The following GPR158 variants were observed in gnomAD, a reference collection of about 807,000 sequenced individuals.
GPR158 encodes the protein metabotropic glycine receptor.
Under a neutral mutation model 78.2 loss-of-function variants are expected in GPR158, and 30 were observed. The observed-to-expected ratio is 0.38, with a 90% confidence interval of 0.29 to 0.52. The LOEUF is 0.52. Among genes scored for constraint, GPR158 ranks in the 20% least tolerant of loss-of-function variants. GPR158 has a pLI of 0.83. For synonymous variants in GPR158, 581 were observed against 591.1 expected, an observed-to-expected ratio of 0.98 and a Z score of 0.25; for missense variants, 1,463 against 1,523.5, an observed-to-expected ratio of 0.96 and a Z score of 0.66.
At chr10:25,334,799 A>T (rs1855174750) in intron 2 of GPR158, among the ~76,000 whole-genome samples, 1 of 144,022 alleles carries the variant, frequency 6.9e-6, no homozygotes, top group Admixed American at 6.7e-5. Context: ...TACAAGACAA[A>T]TATGAAATGA....
rs1834357977 is a variant in GPR158 at position 25,395,941 on chromosome 10, C to T, written c.1039C>T (p.Leu347Phe). The T allele has an allele frequency of 6.2e-7, 1 of 1,605,524 alleles. No homozygotes were observed. The highest frequency in any genetic ancestry group is 1.3e-5 in the African/African-American group (1 of 74,862). Residue 347 changes from leucine to phenylalanine, a missense_variant, in exon 3 of 11, where the codon CTT (leucine) becomes TTT (phenylalanine). Physicochemically the swap from Leu to Phe is conservative, Grantham distance 22. Transcript: ENST00000376351. The part of the protein sequence containing the change: ...CMPIKGLGFV[L>F]GAYECICKAG... ...GCCAATTAAAGGCCTAGGATTCGTT[C>T]TTGGAGCCTATGAGTGCATTTGCAA...
intron 7 of GPR158, among the ~76,000 whole-genome samples, chr10:25,574,402 A>G (rs1179876468): frequency 6.6e-6 from 1 of 152,194 alleles, no homozygotes; most frequent in Non-Finnish European, 1.5e-5. Flanking sequence ...TGATTCACAT[A>G]GATGCATGAG....
At chr10:25,300,686 T>C (rs1387860312) in intron 2 of GPR158, among the ~76,000 whole-genome samples, 1 of 152,190 alleles carries the variant, frequency 6.6e-6, no homozygotes, top group African/African-American at 2.4e-5. Flanking sequence ...TAATTTTAAG[T>C]ATTCCATTAA....
In GPR158 at chr10:25,495,295, C is replaced by CTT. The variant is rs71399976; in HGVS notation, c.1404+28595_1404+28596dup. Among the ~76,000 whole-genome samples the CTT allele has an allele frequency of 3.4e-3, 314 of 91,078 alleles. 23 individuals are homozygous for CTT. Among genetic ancestry groups the CTT allele is most frequent in the South Asian group, 0.017 (40 of 2,292 alleles). 59.8% of individuals were successfully genotyped at this position (91,078 alleles called of 152,430 possible). On this transcript the variant is annotated intron_variant, in intron 5 of 10. Coordinates refer to ENST00000376351, the MANE Select transcript of GPR158 (RefSeq NM_020752.3). ...TATTTTAAGCTATCATTCTTTTCTG[C>CTT]TTTTTTTTTTTTTTTTTTTTGAGAC...
At chr10:25,296,329 AC>A in intron 2 of GPR158, among the ~76,000 whole-genome samples, 1 of 152,194 alleles carries the variant, frequency 6.6e-6, no homozygotes, top group South Asian at 2.1e-4. Context: ...GCCAACAGTC[AC>A]AGGTGCAGGT....
At chr10:25,559,181 TTTA>T (rs1336447031) in intron 6 of GPR158, among the ~76,000 whole-genome samples, 2 of 152,240 alleles carry the variant, frequency 1.3e-5, no homozygotes, top group Admixed American at 6.5e-5. Flanking sequence ...AATCAAACCT[TTTA>T]TTATTATGAA....
chr10:25,520,973 G>A lies in GPR158; in HGVS notation c.1405-30003G>A, dbSNP rs537537672. ...GCGCCCCTCCCCCAGCCTCGCTGGC[G>A]CCTTGCAGTTTGATCTCAGACTGCT... is the stretch of plus-strand genomic sequence containing the variant. On this transcript the variant is annotated intron_variant, in intron 5 of 10. Transcript: ENST00000376351. Among the ~76,000 whole-genome samples, 1,369 of 152,304 alleles carry A rather than the reference G, an allele frequency of 9.0e-3. 22 individuals are homozygous for A. Among genetic ancestry groups the A allele is most frequent in the African/African-American group, 0.031 (1,280 of 41,574 alleles).
chr10:25,417,623 T>C (rs527246728), intron 4 of GPR158, among the ~76,000 whole-genome samples: 1 of 152,272 alleles, frequency 6.6e-6, no homozygotes, highest in East Asian at 1.9e-4. Context: ...AATTCGAGGT[T>C]CTATTACCTA....
chr10:25,385,747 T>C (rs1374032352), intron 2 of GPR158, among the ~76,000 whole-genome samples: 2 of 152,196 alleles, frequency 1.3e-5, no homozygotes, highest in Admixed American at 1.3e-4. Context: ...TTCATTGGCT[T>C]ATTGGCCATT....
chr10:25,594,165 A>T (rs1837373131), intron 8 of GPR158, 127 bp from the exon 9 acceptor site: 1 of 615,666 alleles, frequency 1.6e-6, no homozygotes, highest in South Asian at 1.9e-5. Context: ...TATATGCCAT[A>T]GAAATAGTAA....
At chr10:25,575,523 C>T (rs952858375) in intron 7 of GPR158, among the ~76,000 whole-genome samples, 9 of 152,008 alleles carry the variant, frequency 5.9e-5, no homozygotes, top group African/African-American at 1.9e-4. Flanking sequence ...CAGACACTCC[C>T]GGATAGTGGA....
At chr10:25,345,637 G>T (rs1447066369) in intron 2 of GPR158, among the ~76,000 whole-genome samples, 3 of 151,910 alleles carry the variant, frequency 2.0e-5, no homozygotes, top group Non-Finnish European at 4.4e-5. Flanking sequence ...AAATCAACTT[G>T]TTTTTTGAGG....
At chr10:25,399,722 G>A (rs1430570503) in intron 3 of GPR158, among the ~76,000 whole-genome samples, 1 of 152,172 alleles carries the variant, frequency 6.6e-6, no homozygotes, top group East Asian at 1.9e-4. Context: ...AGGAATATGA[G>A]CTCTGTAACT....
At chr10:25,443,152 A>G (rs1220595531) in intron 4 of GPR158, among the ~76,000 whole-genome samples, 7 of 152,170 alleles carry the variant, frequency 4.6e-5, no homozygotes, top group African/African-American at 1.4e-4. Flanking sequence ...TGATGTGATC[A>G]TAGTTCACTG....
Position 25,387,371 on chromosome 10 carries a change from G to A in GPR158, c.1009-8540G>A, listed in dbSNP as rs1401916995. On this transcript the variant is annotated intron_variant, in intron 2 of 10. Coordinates refer to ENST00000376351, the MANE Select transcript of GPR158 (RefSeq NM_020752.3). ...CTTTTTAATGTCTGTTGAATTTCTG[G>A]TGAATTTGGTTTGAGATTTTTGCAT... Among the ~76,000 whole-genome samples the A allele has an allele frequency of 5.9e-5, 9 of 152,256 alleles. No homozygotes were observed. In the South Asian group the frequency reaches 1.7e-3, roughly 28 times the overall value.
chr10:25,300,882 AATTG>A (rs1034531172), intron 2 of GPR158, among the ~76,000 whole-genome samples: 16 of 151,954 alleles, frequency 1.1e-4, no homozygotes, highest in Admixed American at 8.5e-4. Flanking sequence ...GCAGAAGTAA[AATTG>A]ATTGAATTCA....
chr10:25,436,255 C>G (rs1432169099), intron 4 of GPR158, among the ~76,000 whole-genome samples: 1 of 152,092 alleles, frequency 6.6e-6, no homozygotes, highest in Non-Finnish European at 1.5e-5. Context: ...TCAAACTTAC[C>G]TGAGCATCTT....
chr10:25,270,237 G>A (rs1854100379), intron 2 of GPR158, among the ~76,000 whole-genome samples: 2 of 152,108 alleles, frequency 1.3e-5, no homozygotes, highest in African/African-American at 4.8e-5. Context: ...AAAACCATAT[G>A]AGCCTTTCAA....
At chr10:25,235,136 A>T (rs1379961302) in intron 2 of GPR158, among the ~76,000 whole-genome samples, 1 of 152,218 alleles carries the variant, frequency 6.6e-6, no homozygotes, top group Non-Finnish European at 1.5e-5. Flanking sequence ...CAATGAGTAG[A>T]AATGAAATCC....
Sources: allele counts gnomAD v4.1 joint callset (sites outside exome capture counted in the v4.1 genomes callset), GRCh38; gene constraint gnomAD v4.1.1; transcripts MANE v1.5; gene names NCBI Gene and HGNC (gene_info 2026-07-23, HGNC 2026-07-21).